The following B3GLCT variants were observed in gnomAD, a reference collection of about 807,000 sequenced individuals.
The protein encoded by B3GLCT is beta-1,3-glucosyltransferase.
B3GLCT carries 65 observed loss-of-function variants against 63.4 expected under a neutral mutation model. The ratio of observed to expected loss-of-function variants is 1.03; its 90% CI spans 0.84 to 1.26. The LOEUF is 1.26. Among genes scored for constraint, B3GLCT ranks in the 50% most tolerant of loss-of-function variants. The probability of loss-of-function intolerance (pLI) is 0.00; values close to 1 mark genes in which losing one functional copy is unlikely to be tolerated. For synonymous variants in B3GLCT, 233 were observed against 219.2 expected, an observed-to-expected ratio of 1.06 and a Z score of -0.55; for missense variants, 577 against 604.8, an observed-to-expected ratio of 0.95 and a Z score of 0.48.
At chr13:31,310,314 C>T (rs529198250) in intron 12 of B3GLCT, among the ~76,000 whole-genome samples, 3 of 152,218 alleles carry the variant, frequency 2.0e-5, no homozygotes, top group Non-Finnish European at 4.4e-5. Context: ...GAATAAAACC[C>T]TCCTCCACCT....
intron 2 of B3GLCT, 45 bp downstream of exon 2, chr13:31,215,145 A>G (rs745556063): frequency 2.6e-6 from 4 of 1,536,302 alleles, no homozygotes; most frequent in Non-Finnish European, 3.6e-6. Context: ...TCTAAGATTC[A>G]TTTGTATTTT....
At chr13:31,297,687 C>A (rs1292441493) in intron 12 of B3GLCT, among the ~76,000 whole-genome samples, 1 of 152,134 alleles carries the variant, frequency 6.6e-6, no homozygotes, top group Non-Finnish European at 1.5e-5. Flanking sequence ...CAAGACTGCC[C>A]TACCACCCCA....
chr13:31,268,386 G>A (rs1593286027), intron 7 of B3GLCT, among the ~76,000 whole-genome samples: 1 of 152,300 alleles, frequency 6.6e-6, no homozygotes, highest in East Asian at 1.9e-4. Flanking sequence ...GCAAGACAGA[G>A]GAGAAAGTAT....
At chr13:31,208,565 C>T (rs1421569983) in intron 1 of B3GLCT, among the ~76,000 whole-genome samples, 1 of 148,846 alleles carries the variant, frequency 6.7e-6, no homozygotes, top group Non-Finnish European at 1.5e-5. Context: ...CTTCCCGTCT[C>T]ACCCCCCACC....
chr13:31,310,980 C>A (rs1593313578), intron 12 of B3GLCT, among the ~76,000 whole-genome samples: 1 of 152,322 alleles, frequency 6.6e-6, no homozygotes, highest in African/African-American at 2.4e-5. Context: ...ATGGGCAGAG[C>A]AAGTCTAGTG....
chr13:31,230,413 C>T (rs1229093311), intron 4 of B3GLCT, among the ~76,000 whole-genome samples: 1 of 152,110 alleles, frequency 6.6e-6, no homozygotes, highest in Non-Finnish European at 1.5e-5. Context: ...GACATATGTG[C>T]GTGACAGATT....
At chr13:31,201,971 A>G (rs191426471) in intron 1 of B3GLCT, among the ~76,000 whole-genome samples, 2 of 152,300 alleles carry the variant, frequency 1.3e-5, no homozygotes, top group African/African-American at 4.8e-5. Context: ...GGGAGGCTGT[A>G]TTCTTCGAGG....
intron 6 of B3GLCT, among the ~76,000 whole-genome samples, chr13:31,259,718 GCT>G (rs1566067503): frequency 6.6e-6 from 1 of 151,856 alleles, no homozygotes; most frequent in East Asian, 1.9e-4. Context: ...GCTATCTGCA[GCT>G]CCAGGAATCA....
chr13:31,288,551 A>T (rs1174365604), intron 12 of B3GLCT, among the ~76,000 whole-genome samples: 1 of 152,216 alleles, frequency 6.6e-6, no homozygotes, highest in Non-Finnish European at 1.5e-5. Context: ...AGACTGACTC[A>T]GTTGGCATCC....
In B3GLCT at chr13:31,268,301, C is replaced by T. The variant is rs540520645; in HGVS notation, c.597-913C>T. On this transcript the variant is annotated intron_variant, in intron 7 of 14. Transcript: ENST00000343307. ...TATTCCTCCCTCGTTAGCTTTGAAT[C>T]AAATAATATGTTGTCTAATTCATTC... is the stretch of plus-strand genomic sequence containing the variant. 3.9e-5 allele frequency among the ~76,000 whole-genome samples: 6 copies of T among 152,248 alleles called. No homozygotes were observed. In the East Asian group the frequency reaches 1.2e-3, roughly 29 times the overall value.
intron 1 of B3GLCT, among the ~76,000 whole-genome samples, chr13:31,210,903 C>T (rs1030111921): frequency 6.6e-5 from 10 of 152,034 alleles, no homozygotes; most frequent in African/African-American, 2.4e-4. Flanking sequence ...CACTAGCAAG[C>T]CTGGCTAAGC....
At chr13:31,316,747 C>A (rs143911098) in intron 12 of B3GLCT, among the ~76,000 whole-genome samples, 116 of 152,008 alleles carry the variant, frequency 7.6e-4, no homozygotes, top group African/African-American at 2.6e-3. Flanking sequence ...TTAGTACTAC[C>A]CTTTGTGTCT....
chr13:31,258,263 G>A (rs956724221), intron 6 of B3GLCT, among the ~76,000 whole-genome samples: 8 of 152,128 alleles, frequency 5.3e-5, no homozygotes, highest in African/African-American at 1.2e-4. Context: ...AACCTCTTCC[G>A]TCTTCAATCT....
intron 1 of B3GLCT, 136 bp downstream of exon 1, chr13:31,200,290 C>T (rs1868576162): frequency 3.2e-6 from 1 of 316,692 alleles, no homozygotes; most frequent in African/African-American, 2.3e-5. Context: ...TCCCGCCGTC[C>T]GGTCCCCGCC....
intron 12 of B3GLCT, among the ~76,000 whole-genome samples, chr13:31,298,550 G>T (rs776004781): frequency 6.6e-6 from 1 of 152,176 alleles, no homozygotes; most frequent in Non-Finnish European, 1.5e-5. Flanking sequence ...GTCTTTCAAG[G>T]TGTTAATGTA....
At chr13:31,308,924 C>T (rs1362452500) in intron 12 of B3GLCT, among the ~76,000 whole-genome samples, 3 of 152,190 alleles carry the variant, frequency 2.0e-5, no homozygotes, top group African/African-American at 7.2e-5. Context: ...CACGGTCTAA[C>T]CCAGCACTTT....
intron 1 of B3GLCT, among the ~76,000 whole-genome samples, chr13:31,201,926 C>G (rs7335803): frequency 0.63 from 95,467 of 152,210 alleles, 30,822 homozygotes; most frequent in African/African-American, 0.79. Context: ...AGACATTTGG[C>G]CTTTGGGAAC....
At chr13:31,254,774 A>G (rs1159047505) in intron 6 of B3GLCT, among the ~76,000 whole-genome samples, 1 of 152,068 alleles carries the variant, frequency 6.6e-6, no homozygotes, top group Non-Finnish European at 1.5e-5. Flanking sequence ...CATAGTGGCC[A>G]GGTGCAGGGA....
chr13:31,252,344 G>T (rs1270761870), intron 6 of B3GLCT, among the ~76,000 whole-genome samples: 1 of 152,126 alleles, frequency 6.6e-6, no homozygotes, highest in Non-Finnish European at 1.5e-5. Context: ...CATCAAAATG[G>T]CAGGATCAGA....
Sources: gnomAD v4.1 joint callset for allele counts (sites outside exome capture counted in the v4.1 genomes callset) on GRCh38, gnomAD v4.1.1 for gene constraint, MANE v1.5 for transcripts, NCBI Gene and HGNC (gene_info 2026-07-23, HGNC 2026-07-21) for gene names.